Variants in SNW1 observed in about 807,000 individuals in gnomAD.
The protein encoded by SNW1 is SNW domain-containing protein 1.
Under a neutral mutation model 75.6 loss-of-function variants are expected in SNW1, and 9 were observed. That is an observed-to-expected ratio of 0.12 (90% CI 0.07 to 0.21). SNW1 has a LOEUF of 0.21. SNW1 is among the 10% of genes least tolerant of loss of function. SNW1 has a pLI of 1.00. For missense variants in SNW1, 409 were observed against 670.9 expected (o/e 0.61, Z 4.31); for synonymous variants, 200 against 219.1 (o/e 0.91, Z 0.77).
At chr14:77,740,746 T>G (rs542082892) in intron 3 of SNW1, among the ~76,000 whole-genome samples, 2 of 152,294 alleles carry the variant, frequency 1.3e-5, no homozygotes, top group South Asian at 4.2e-4. Context: ...TGATCAAGAC[T>G]GTTCACAGCA....
At chr14:77,741,712 C>A (rs1472612719) in intron 3 of SNW1, among the ~76,000 whole-genome samples, 1 of 151,970 alleles carries the variant, frequency 6.6e-6, no homozygotes, top group East Asian at 1.9e-4. Context: ...ACCTATACAA[C>A]CCTAAGCTGA....
At chr14:77,736,345 C>T (rs1193726602) in intron 6 of SNW1, among the ~76,000 whole-genome samples, 7 of 152,088 alleles carry the variant, frequency 4.6e-5, no homozygotes, top group African/African-American at 1.4e-4. Flanking sequence ...GTCAGGAGAT[C>T]GAGACCATCC....
intron 11 of SNW1, chr14:77,722,346 T>C (rs893028440): frequency 9.5e-6 from 3 of 315,450 alleles, no homozygotes; most frequent in Non-Finnish European, 1.9e-5. Context: ...AATTATTTTA[T>C]GGATAGCTCT....
intron 3 of SNW1, among the ~76,000 whole-genome samples, chr14:77,743,958 T>C (rs944053297): frequency 1.9e-4 from 29 of 152,066 alleles, no homozygotes; most frequent in Admixed American, 4.6e-4. Flanking sequence ...CAAAAAGATA[T>C]AAACCTGAGA....
intron 3 of SNW1, among the ~76,000 whole-genome samples, chr14:77,742,752 T>G (rs757617498): frequency 6.6e-6 from 1 of 151,696 alleles, no homozygotes; most frequent in Non-Finnish European, 1.5e-5. Context: ...CTTTAAGAGA[T>G]AGGGTTTCAT....
At chr14:77,743,598 T>C (rs772433227) in intron 3 of SNW1, among the ~76,000 whole-genome samples, 5 of 152,188 alleles carry the variant, frequency 3.3e-5, no homozygotes, top group African/African-American at 4.8e-5. Flanking sequence ...TAACAAATTT[T>C]TTAAATCCTA....
intron 1 of SNW1, among the ~76,000 whole-genome samples, chr14:77,760,119 C>G (rs1046497072): frequency 6.6e-6 from 1 of 152,144 alleles, no homozygotes; most frequent in Non-Finnish European, 1.5e-5. Flanking sequence ...ATACCTTGCA[C>G]CCCTATCTTC....
intron 3 of SNW1, among the ~76,000 whole-genome samples, chr14:77,749,868 G>A (rs2080793939): frequency 6.6e-6 from 1 of 152,126 alleles, no homozygotes; most frequent in Admixed American, 6.5e-5. Context: ...GTTCATAGAG[G>A]AAGAGGGAAG....
At chr14:77,722,639 C>T (rs1311561587) in intron 11 of SNW1, 7 of 375,144 alleles carry the variant, frequency 1.9e-5, no homozygotes, top group Non-Finnish European at 3.7e-5. Context: ...ATTCTCAATT[C>T]TGACTTAAGT....
chr14:77,732,546 G>A lies in SNW1; in HGVS notation c.830C>T (p.Thr277Ile). ...GGCGAAATTTTCATTTATGTGTACT[G>A]TCTGTAGTCCTCTTCCATCAGCAGC... Reference protein sequence around the residue: ...RLAADGRGLQTVHINENFAKL... With the variant: ...RLAADGRGLQIVHINENFAKL... Residue 277 changes from threonine to isoleucine, a missense_variant, in exon 9 of 14, where the codon ACA (threonine) becomes ATA (isoleucine). Coordinates refer to ENST00000261531, the MANE Select transcript of SNW1 (RefSeq NM_012245.3). 1 of 1,613,318 alleles carries A rather than the reference G, an allele frequency of 6.2e-7. No individual in the cohort carries two copies. Among genetic ancestry groups the A allele is most frequent in the East Asian group, 2.2e-5 (1 of 44,882 alleles).
At chr14:77,732,270 G>A (rs1030344017) in intron 9 of SNW1, among the ~76,000 whole-genome samples, 7 of 152,152 alleles carry the variant, frequency 4.6e-5, no homozygotes, top group African/African-American at 1.7e-4. Flanking sequence ...ATGTTGTGAG[G>A]GAGCCGGATC....
intron 12 of SNW1, 95 bp from the exon 13 acceptor site, chr14:77,718,625 A>C: frequency 1.3e-6 from 1 of 763,882 alleles, no homozygotes; most frequent in Non-Finnish European, 2.1e-6. Context: ...GCTAATGTAC[A>C]GCTCACATTT....
intron 3 of SNW1, among the ~76,000 whole-genome samples, chr14:77,748,600 T>TA (rs1594806287): frequency 6.6e-6 from 1 of 151,926 alleles, no homozygotes; most frequent in Non-Finnish European, 1.5e-5. Flanking sequence ...CTTTTTTTTT[T>TA]ATTTGAGACA....
At chr14:77,744,692 G>A (rs905997956) in intron 3 of SNW1, among the ~76,000 whole-genome samples, 4 of 151,972 alleles carry the variant, frequency 2.6e-5, no homozygotes, top group Admixed American at 1.3e-4. Flanking sequence ...AATGCAAAAC[G>A]GACCAAAGCT....
At chr14:77,752,137 A>G (rs886752061) in intron 2 of SNW1, among the ~76,000 whole-genome samples, 2 of 152,230 alleles carry the variant, frequency 1.3e-5, no homozygotes, top group Non-Finnish European at 2.9e-5. Context: ...ATATAAATAC[A>G]TATTTTAGTG....
intron 7 of SNW1, 66 bp downstream of exon 7, chr14:77,735,858 TGTATAGGCATAGG>T: frequency 1.0e-6 from 1 of 994,838 alleles, no homozygotes; most frequent in Non-Finnish European, 1.5e-6. Flanking sequence ...GACATGCACC[TGTATAGGCATAGG>T]GAGGTTATCT....
intron 8 of SNW1, chr14:77,734,099 A>G: frequency 4.6e-6 from 1 of 215,994 alleles, no homozygotes; most frequent in Non-Finnish European, 9.8e-6. Context: ...TTATCCATCA[A>G]AAATAAAATC....
chr14:77,750,705 TG>T (rs1401688939), intron 3 of SNW1, among the ~76,000 whole-genome samples: 6 of 152,288 alleles, frequency 3.9e-5, no homozygotes, highest in African/African-American at 1.4e-4. Flanking sequence ...AATAGTTCCT[TG>T]GCCCTGAGTG....
chr14:77,730,620 C>A (rs1485116125), intron 10 of SNW1, among the ~76,000 whole-genome samples: 4 of 152,118 alleles, frequency 2.6e-5, no homozygotes, highest in Non-Finnish European at 5.9e-5. Context: ...GATAGAAAAA[C>A]TCTGGATTAC....
Sources: allele counts gnomAD v4.1 joint callset (sites outside exome capture counted in the v4.1 genomes callset), GRCh38; gene constraint gnomAD v4.1.1; transcripts MANE v1.5; gene names NCBI Gene and HGNC (gene_info 2026-07-23, HGNC 2026-07-21).